The following OR11A1 variants were observed in gnomAD, a reference collection of about 807,000 sequenced individuals.
OR11A1 encodes the protein olfactory receptor family 11 subfamily A member 1, also known as olfactory receptor 11A1.
For missense variants in OR11A1, 380 were observed against 378.2 expected (o/e 1.00, Z -0.04); for synonymous variants, 158 against 152.2 (o/e 1.04, Z -0.28).
chr6:29,430,739 T>TA (rs1783172076), intron 2 of OR11A1, among the ~76,000 whole-genome samples: 1 of 152,126 alleles, frequency 6.6e-6, no homozygotes, highest in Admixed American at 6.5e-5. Flanking sequence ...ATGGTTACAC[T>TA]AAAAGCCCAG....
chr6:29,443,471 T>C (rs1422644811), intron 1 of OR11A1, among the ~76,000 whole-genome samples: 4 of 152,214 alleles, frequency 2.6e-5, no homozygotes, highest in Non-Finnish European at 5.9e-5. Flanking sequence ...GATACTCCAT[T>C]GTATAGATAT....
At chr6:29,429,303 C>A (rs1783087604) in intron 3 of OR11A1, among the ~76,000 whole-genome samples, 1 of 152,266 alleles carries the variant, frequency 6.6e-6, no homozygotes, top group South Asian at 2.1e-4. Context: ...TCATTGCTAA[C>A]GTTAAATCCT....
chr6:29,440,061 T>TTCTC, intron 1 of OR11A1: 2 of 1,613,208 alleles, frequency 1.2e-6, no homozygotes, highest in Non-Finnish European at 1.7e-6. Flanking sequence ...TCTTCTCGGC[T>TTCTC]TCTCCCACCT....
In OR11A1 at chr6:29,427,401, G is replaced by A. The variant is rs773832494; in HGVS notation, c.241C>T (p.Pro81Ser). ...TGCAGGAAGCCCTCCAGCATTTTTG[G>A]CATCACTGCGGAGGTGTAGAGAATA... is the stretch of plus-strand genomic sequence containing the variant. ...LDILYTSAVM[P>S]KMLEGFLQEA... is the part of the protein sequence containing the mutation. The change falls in exon 5 of 5, where the codon CCA (proline) becomes TCA (serine). Residue 81 changes from proline to serine, a missense_variant. Pro to Ser is a moderately conservative substitution (Grantham distance 74). Coordinates refer to ENST00000377149, the MANE Select transcript of OR11A1 (RefSeq NM_001394828.1). The A allele has an allele frequency of 3.1e-6, 5 of 1,613,082 alleles. No individual in the cohort carries two copies. In the African/African-American group the frequency reaches 5.3e-5, roughly 17 times the overall value.
At chr6:29,439,586 CA>C (rs1313409329) in intron 1 of OR11A1, 2 of 171,078 alleles carry the variant, frequency 1.2e-5, no homozygotes, top group East Asian at 1.6e-4. Context: ...TCTTATCAGA[CA>C]GGAGACAAGT....
chr6:29,449,706 G>A (rs548933343), intron 1 of OR11A1, among the ~76,000 whole-genome samples: 3 of 152,100 alleles, frequency 2.0e-5, no homozygotes, highest in Admixed American at 6.5e-5. Flanking sequence ...GCATGATCTC[G>A]GCTCAATGCA....
chr6:29,455,631 T>A (rs1258597453), intron 1 of OR11A1, among the ~76,000 whole-genome samples: 1 of 152,008 alleles, frequency 6.6e-6, no homozygotes, highest in Non-Finnish European at 1.5e-5. Flanking sequence ...CAAAACATCA[T>A]TTGGGAGGCC....
intron 1 of OR11A1, among the ~76,000 whole-genome samples, chr6:29,451,516 A>G (rs1302634763): frequency 2.0e-5 from 3 of 152,102 alleles, no homozygotes; most frequent in Non-Finnish European, 4.4e-5. Context: ...TTTTTTTTAA[A>G]TGGGCAAAGG....
At chr6:29,432,458 G>C (rs1783293424) in intron 1 of OR11A1, among the ~76,000 whole-genome samples, 1 of 152,060 alleles carries the variant, frequency 6.6e-6, no homozygotes, top group African/African-American at 2.4e-5. Flanking sequence ...GGTCCTCCCA[G>C]GAGCCTGCCC....
intron 1 of OR11A1, chr6:29,440,356 T>C (rs1784034038): frequency 6.2e-7 from 1 of 1,613,808 alleles, no homozygotes; most frequent in Non-Finnish European, 8.5e-7. Context: ...TGCTGCCTCC[T>C]GGCAGCCATG....
intron 1 of OR11A1, among the ~76,000 whole-genome samples, chr6:29,442,423 G>T (rs1052982731): frequency 6.6e-6 from 1 of 152,194 alleles, no homozygotes; most frequent in African/African-American, 2.4e-5. Flanking sequence ...AATTAAAAGT[G>T]CAATCTACAT....
At chr6:29,437,404 A>G (rs1783717152) in intron 1 of OR11A1, among the ~76,000 whole-genome samples, 1 of 152,212 alleles carries the variant, frequency 6.6e-6, no homozygotes, top group African/African-American at 2.4e-5. Context: ...CATAACCACA[A>G]TACTATTATT....
At chr6:29,439,943 C>T in intron 1 of OR11A1, 2 of 1,156,080 alleles carry the variant, frequency 1.7e-6, no homozygotes, top group Non-Finnish European at 2.5e-6. Flanking sequence ...CATCTTTGCC[C>T]ATTTCACGAT....
At position 29,451,202 on chromosome 6, in the gene OR11A1, C is replaced by T. The variant is rs148105456; in HGVS notation, c.-389+5785G>A. 5.9e-5 allele frequency among the ~76,000 whole-genome samples: 9 copies of T among 152,178 alleles called. No individual in the cohort carries two copies. In the East Asian group the frequency reaches 1.7e-3, roughly 29 times the overall value. On this transcript the variant is annotated intron_variant, in intron 1 of 4. Transcript: ENST00000377149. ...CTTTCACCATATGCAAAAGTCAACT[C>T]GAAGTAAATTAAAGATTTAAAAGTA...
intron 1 of OR11A1, among the ~76,000 whole-genome samples, chr6:29,442,066 G>A (rs1381303498): frequency 6.6e-6 from 1 of 152,188 alleles, no homozygotes; most frequent in Non-Finnish European, 1.5e-5. Context: ...GCACAAAATA[G>A]TATCTTGATA....
intron 1 of OR11A1, chr6:29,440,355 C>G: frequency 6.2e-7 from 1 of 1,613,910 alleles, no homozygotes; most frequent in Non-Finnish European, 8.5e-7. Context: ...GTGCTGCCTC[C>G]TGGCAGCCAT....
intron 1 of OR11A1, chr6:29,440,699 A>G (rs2074465): frequency 0.023 from 37,079 of 1,613,992 alleles, 1,171 homozygotes; most frequent in African/African-American, 0.12. Flanking sequence ...TCCGGATCCC[A>G]TCTGTTGCGG....
At chr6:29,456,471 C>T (rs1385705741) in intron 1 of OR11A1, among the ~76,000 whole-genome samples, 1 of 151,374 alleles carries the variant, frequency 6.6e-6, no homozygotes, top group Non-Finnish European at 1.5e-5. Context: ...GATCGCGCCA[C>T]TGCACTCCAG....
intron 1 of OR11A1, among the ~76,000 whole-genome samples, chr6:29,449,715 C>G (rs1393103518): frequency 6.6e-6 from 1 of 152,120 alleles, no homozygotes; most frequent in East Asian, 1.9e-4. Context: ...CGGCTCAATG[C>G]AACCTCCACC....
Sources: gnomAD v4.1 joint callset for allele counts (sites outside exome capture counted in the v4.1 genomes callset) on GRCh38, gnomAD v4.1.1 for gene constraint, MANE v1.5 for transcripts, NCBI Gene and HGNC (gene_info 2026-07-23, HGNC 2026-07-21) for gene names.